Variants in UTS2B observed in about 807,000 individuals in gnomAD.
UTS2B encodes the protein urotensin-2B.
A neutral mutation model predicts 19.2 loss-of-function variants in UTS2B; 21 were observed. The ratio of observed to expected loss-of-function variants is 1.09; its 90% CI spans 0.78 to 1.58. The LOEUF (loss-of-function observed/expected upper bound fraction) is 1.58. UTS2B is among the 40% of genes most tolerant of loss of function. The pLI is 0.00. For missense variants in UTS2B, 138 were observed against 130.3 expected (o/e 1.06, Z -0.29); for synonymous variants, 57 against 50.2 (o/e 1.14, Z -0.58).
chr3:191,319,257 G>A (rs539424812), intron 2 of UTS2B, among the ~76,000 whole-genome samples: 2 of 152,120 alleles, frequency 1.3e-5, no homozygotes, highest in African/African-American at 4.8e-5. Flanking sequence ...CTGGCTCCAC[G>A]TTGACTCACT....
intron 4 of UTS2B, among the ~76,000 whole-genome samples, chr3:191,288,058 T>A (rs1342561575): frequency 6.6e-5 from 10 of 152,034 alleles, no homozygotes; most frequent in Non-Finnish European, 1.5e-4. Context: ...CTCAAAAAAT[T>A]ATTAGGAATA....
chr3:191,342,630 A>T, the UTS2B span, among the ~76,000 whole-genome samples: 98 of 152,054 alleles, frequency 6.4e-4, 1 homozygote, highest in Non-Finnish European at 1.5e-4. Flanking sequence ...GTTTAAGGAG[A>T]TGGGTGGCTT....
At chr3:191,291,157 T>C (rs1425694215) in intron 4 of UTS2B, among the ~76,000 whole-genome samples, 1 of 152,138 alleles carries the variant, frequency 6.6e-6, no homozygotes, top group East Asian at 1.9e-4. Context: ...TTTTTAAAAA[T>C]TGAGTATTTT....
At chr3:191,293,943 T>C (rs9826406) in intron 4 of UTS2B, among the ~76,000 whole-genome samples, 32,689 of 151,454 alleles carry the variant, frequency 0.22, 3,877 homozygotes, top group Non-Finnish European at 0.24. Context: ...ACCCTGTCTC[T>C]ACTAAAAATA....
At chr3:191,341,785 T>C in the UTS2B span, among the ~76,000 whole-genome samples, 1 of 152,250 alleles carries the variant, frequency 6.6e-6, no homozygotes, top group South Asian at 2.1e-4. Context: ...CAGAATCACT[T>C]CTTAAAATCT....
chr3:191,330,805 G>A (rs1717955327), upstream of UTS2B, among the ~76,000 whole-genome samples: 1 of 152,176 alleles, frequency 6.6e-6, no homozygotes, highest in Admixed American at 6.5e-5. Flanking sequence ...ATGAGGGACT[G>A]CTTGATTGCT....
chr3:191,340,279 T>C, the UTS2B span, among the ~76,000 whole-genome samples: 1 of 152,218 alleles, frequency 6.6e-6, no homozygotes, highest in Non-Finnish European at 1.5e-5. Context: ...GAGGGCTCTT[T>C]ATACTATAAT....
chr3:191,271,200 CAAAAAAAAAAAAA>C (rs66756396), intron 8 of UTS2B, among the ~76,000 whole-genome samples: 9 of 52,768 alleles, frequency 1.7e-4, no homozygotes, highest in South Asian at 8.3e-4. Context: ...GAGACTCTCT[CAAAAAAAAAAAAA>C]AAAAAAAAAA....
intron 2 of UTS2B, among the ~76,000 whole-genome samples, chr3:191,317,311 GCCTGTACCCA>G (rs1335273070): frequency 2.0e-5 from 3 of 152,216 alleles, no homozygotes; most frequent in Non-Finnish European, 4.4e-5. Flanking sequence ...GGCCTCCCAA[GCCTGTACCCA>G]CCTGGAACTC....
chr3:191,316,287 A>C lies in UTS2B; in HGVS notation c.-433T>G, dbSNP rs1717447897. Reference sequence around the variant, plus strand: ...CGCAGATCCTCGCAGTGAGTGTTACAGTTCTTAAAGATGGTGCGTCCGGAA... The same window carrying C: ...CGCAGATCCTCGCAGTGAGTGTTACCGTTCTTAAAGATGGTGCGTCCGGAA... On this transcript the variant is annotated 5_prime_UTR_variant, in exon 3 of 9. Transcript: ENST00000340524. 6.6e-6 allele frequency: 1 copy of C among 152,498 alleles called. No homozygotes were observed. The highest frequency in any genetic ancestry group is 1.9e-4 in the East Asian group (1 of 5,204). 9.4% of individuals were successfully genotyped at this position (152,498 alleles called of 1,614,324 possible).
chr3:191,268,244 AC>A lies in UTS2B; in HGVS notation c.*171del. The A allele has an allele frequency of 2.0e-6, 1 of 493,286 alleles. No homozygotes were observed. The highest frequency in any genetic ancestry group is 3.6e-6 in the Non-Finnish European group (1 of 279,294). The allele number at this position is 493,286 out of a possible 1,614,324, so 30.6% of individuals were successfully genotyped here. ...GCTGTTGGCTCATTCTGGCAGTCCA[AC>A]CTGGCATTGTCTTTACACAATCCCG... On this transcript the variant is annotated 3_prime_UTR_variant, in exon 9 of 9. Transcript: ENST00000340524.
At chr3:191,345,017 G>A in the UTS2B span, among the ~76,000 whole-genome samples, 2 of 152,078 alleles carry the variant, frequency 1.3e-5, no homozygotes, top group African/African-American at 4.8e-5. Context: ...CTTCTTGATG[G>A]GAATAGAAAG....
chr3:191,336,130 G>A, the UTS2B span, among the ~76,000 whole-genome samples: 1 of 150,252 alleles, frequency 6.7e-6, no homozygotes, highest in Admixed American at 6.6e-5. Flanking sequence ...TTGTGTACAA[G>A]TGTTTTTTTT....
At chr3:191,309,943 TCTTTCTTTTTTC>T (rs992705789) in intron 3 of UTS2B, among the ~76,000 whole-genome samples, 1 of 152,026 alleles carries the variant, frequency 6.6e-6, no homozygotes. Flanking sequence ...ATTTTTTTTT[TCTTTCTTTTTTC>T]CTTTCTTTCT....
rs1717444244 is a variant in UTS2B at position 191,316,206 on chromosome 3, A to G, written c.-352T>C. The stretch of plus-strand genomic sequence containing the variant: ...TTCCATATAGCCAGTTTCCAACAGC[A>G]TATTAGTGTGCCGGAATTGGTGGGT... On this transcript the variant is annotated 5_prime_UTR_variant, in exon 3 of 9. The change abolishes an upstream ATG in the 5' untranslated region. Transcript: ENST00000340524. The G allele has an allele frequency of 6.9e-6, 1 of 144,920 alleles. No homozygotes were observed. The highest frequency in any genetic ancestry group is 1.5e-5 in the Non-Finnish European group (1 of 64,574). The allele number at this position is 144,920 out of a possible 1,614,324, so 9.0% of individuals were successfully genotyped here.
chr3:191,276,797 A>C lies in UTS2B; in HGVS notation c.240+10T>G. The stretch of plus-strand genomic sequence containing the variant: ...TTAAAACTGCTCATTTAAGTATTTC[A>C]CATTCTCACCTGGTTAAGTTCTTCC... On this transcript the variant is annotated intron_variant, in intron 7 of 8. Transcript: ENST00000340524. 1 of 1,609,720 alleles carries C rather than the reference A, an allele frequency of 6.2e-7. No homozygotes were observed. Among genetic ancestry groups the C allele is most frequent in the Non-Finnish European group, 8.5e-7 (1 of 1,177,858 alleles).
chr3:191,314,545 A>G lies in UTS2B; in HGVS notation c.-182+1491T>C, dbSNP rs143876899. On this transcript the variant is annotated intron_variant, in intron 3 of 8. Coordinates refer to ENST00000340524, the MANE Select transcript of UTS2B (RefSeq NM_198152.5). Reference sequence around the variant, plus strand: ...CTTTGACCCTGTTTCCTGGCATACAACCAAAATCTTTAGACTGTTTTGTAT... The same window carrying G: ...CTTTGACCCTGTTTCCTGGCATACAGCCAAAATCTTTAGACTGTTTTGTAT... Among the ~76,000 whole-genome samples the G allele has an allele frequency of 3.9e-4, 59 of 152,320 alleles. No homozygotes were observed. The East Asian group carries it at 9.8e-3, about 25-fold the overall frequency.
chr3:191,280,398 C>T (rs1366805830), intron 5 of UTS2B, among the ~76,000 whole-genome samples: 1 of 152,020 alleles, frequency 6.6e-6, no homozygotes, highest in East Asian at 1.9e-4. Flanking sequence ...CAGAAAAAAG[C>T]TGATAACCCC....
chr3:191,295,025 C>T lies in UTS2B; in HGVS notation c.-125+9467G>A, dbSNP rs1027675497. Among the ~76,000 whole-genome samples, 12 of 132,212 alleles carry T rather than the reference C, an allele frequency of 9.1e-5. 1 individual carries two copies. The highest frequency in any genetic ancestry group is 2.8e-4 in the East Asian group (1 of 3,512). The allele number at this position is 132,212 out of a possible 152,430, so 86.7% of individuals were successfully genotyped here. Reference sequence around the variant, plus strand: ...CAGCCTGGGTGACAGAGTAAGACTCCGTCTTAAACAACAACAACAACAACA... The same window carrying T: ...CAGCCTGGGTGACAGAGTAAGACTCTGTCTTAAACAACAACAACAACAACA... On this transcript the variant is annotated intron_variant, in intron 4 of 8. Coordinates refer to ENST00000340524, the MANE Select transcript of UTS2B (RefSeq NM_198152.5).
Sources: gnomAD v4.1 joint callset for allele counts (sites outside exome capture counted in the v4.1 genomes callset) on GRCh38, gnomAD v4.1.1 for gene constraint, MANE v1.5 for transcripts, NCBI Gene and HGNC (gene_info 2026-07-23, HGNC 2026-07-21) for gene names.